MDGA1: variants seen among roughly 807,000 people sequenced by gnomAD.
MDGA1 encodes the protein MAM domain containing glycosylphosphatidylinositol anchor 1.
MDGA1 carries 54 observed loss-of-function variants against 101.5 expected under a neutral mutation model. The ratio of observed to expected loss-of-function variants is 0.53; its 90% CI spans 0.43 to 0.67. The LOEUF (loss-of-function observed/expected upper bound fraction) is 0.67. MDGA1 is among the 30% of genes least tolerant of loss of function. MDGA1 has a pLI of 0.00. For missense variants in MDGA1, 1,083 were observed against 1,323.8 expected (o/e 0.82, Z 2.82); for synonymous variants, 533 against 558.3 (o/e 0.95, Z 0.64).
intron 8 of MDGA1, chr6:37,649,772 ATGG>A: frequency 1.7e-5 from 9 of 525,116 alleles, no homozygotes; most frequent in Non-Finnish European, 3.2e-5. Context: ...TGTTTGGCAC[ATGG>A]TGGTAATTTT....
chr6:37,681,038 C>A (rs2114091915), intron 1 of MDGA1, among the ~76,000 whole-genome samples: 1 of 152,340 alleles, frequency 6.6e-6, no homozygotes. Context: ...AGCTGCCAAC[C>A]CGGCTGGCAT....
chr6:37,695,662 C>T (rs1762401282), intron 1 of MDGA1, among the ~76,000 whole-genome samples: 1 of 152,182 alleles, frequency 6.6e-6, no homozygotes, highest in African/African-American at 2.4e-5. Flanking sequence ...CCTATACTAC[C>T]CCACAAAGAA....
intron 1 of MDGA1, among the ~76,000 whole-genome samples, chr6:37,677,297 A>T (rs1168185848): frequency 2.0e-5 from 3 of 152,194 alleles, no homozygotes; most frequent in Non-Finnish European, 4.4e-5. Context: ...AGAACCATAA[A>T]ACTGTTCCTA....
At chr6:37,661,228 C>T (rs1413876455) in intron 2 of MDGA1, among the ~76,000 whole-genome samples, 2 of 152,204 alleles carry the variant, frequency 1.3e-5, no homozygotes, top group Non-Finnish European at 2.9e-5. Flanking sequence ...TGTGTTAATA[C>T]AACTATCAGT....
At chr6:37,692,642 G>C (rs1028143867) in intron 1 of MDGA1, among the ~76,000 whole-genome samples, 1 of 151,994 alleles carries the variant, frequency 6.6e-6, no homozygotes, top group African/African-American at 2.4e-5. Context: ...CTTGGCGGCT[G>C]TGATTAGCTC....
chr6:37,631,377 A>T lies in MDGA1; in HGVS notation c.*5991T>A, dbSNP rs1763822231. The T allele has an allele frequency of 6.6e-6, 1 of 152,158 alleles. No homozygotes were observed. Among genetic ancestry groups the T allele is most frequent in the South Asian group, 2.1e-4 (1 of 4,816 alleles). The allele number at this position is 152,158 out of a possible 1,614,324, so 9.4% of individuals were successfully genotyped here. A position where few individuals can be genotyped will look rare whatever the true frequency, so the allele number is the denominator to read the frequency against. ...GAGTCCCTTAGACCCTTCCTCTTCC[A>T]TTAGAAAAGAAAGGCCAGGTGTGCC... On this transcript the variant is annotated 3_prime_UTR_variant, in exon 17 of 17. Coordinates refer to ENST00000434837, the MANE Select transcript of MDGA1 (RefSeq NM_153487.4).
intron 3 of MDGA1, among the ~76,000 whole-genome samples, chr6:37,656,874 T>G (rs1761501044): frequency 6.6e-6 from 1 of 152,216 alleles, no homozygotes; most frequent in African/African-American, 2.4e-5. Flanking sequence ...ATTGGTAAAC[T>G]AAGGTAGCTT....
chr6:37,660,804 A>G (rs1234577656), intron 2 of MDGA1, among the ~76,000 whole-genome samples: 1 of 152,038 alleles, frequency 6.6e-6, no homozygotes, highest in Non-Finnish European at 1.5e-5. Flanking sequence ...TTAAAATTTT[A>G]CTCCACAGGT....
At chr6:37,664,221 T>C in intron 1 of MDGA1, 115 bp from the exon 2 acceptor site, 1 of 1,333,326 alleles carries the variant, frequency 7.5e-7, no homozygotes, top group Non-Finnish European at 1.0e-6. Context: ...CCCCAGGCCA[T>C]TCCTCAGAGG....
At chr6:37,653,526 C>T (rs932086844) in intron 6 of MDGA1, among the ~76,000 whole-genome samples, 5 of 152,062 alleles carry the variant, frequency 3.3e-5, no homozygotes, top group Admixed American at 1.3e-4. Context: ...AAAAGAACAA[C>T]CAAAACCAAA....
intron 1 of MDGA1, among the ~76,000 whole-genome samples, chr6:37,677,025 C>T (rs2114082355): frequency 6.6e-6 from 1 of 152,212 alleles, no homozygotes; most frequent in Middle Eastern, 3.4e-3. Context: ...TAACATTAGG[C>T]TTACAGTGTC....
rs1761463328 is a variant in MDGA1 at position 37,655,503 on chromosome 6, T to C, written c.579+197A>G. ...GGACATGTTGCCTCGGGGACACTCC[T>C]GCCCTCATTGCTGCTCCCTGACCTT... On this transcript the variant is annotated intron_variant, in intron 4 of 16. Coordinates refer to ENST00000434837, the MANE Select transcript of MDGA1 (RefSeq NM_153487.4). The surrounding 1 kb of genome is among the most constrained non-coding windows in gnomAD (Gnocchi z 5.1). The C allele has an allele frequency of 2.1e-5, 12 of 570,326 alleles. No individual in the cohort carries two copies. Among genetic ancestry groups the C allele is most frequent in the Non-Finnish European group, 3.7e-5 (12 of 322,624 alleles). The allele number at this position is 570,326 out of a possible 1,614,324, so 35.3% of individuals were successfully genotyped here. A position where few individuals can be genotyped will look rare whatever the true frequency, so the allele number is the denominator to read the frequency against.
chr6:37,681,024 G>A (rs1762085975), intron 1 of MDGA1, among the ~76,000 whole-genome samples: 2 of 152,054 alleles, frequency 1.3e-5, no homozygotes, highest in South Asian at 2.1e-4. Context: ...ACCTGGGCAG[G>A]ACCAGCTGCC....
intron 1 of MDGA1, among the ~76,000 whole-genome samples, chr6:37,676,385 G>T (rs890228185): frequency 6.6e-5 from 10 of 152,372 alleles, no homozygotes; most frequent in Middle Eastern, 6.8e-3. Flanking sequence ...CAAAGGGATG[G>T]AACATGGCTC....
intron 12 of MDGA1, among the ~76,000 whole-genome samples, chr6:37,645,705 C>T (rs919304901): frequency 6.6e-6 from 1 of 152,244 alleles, no homozygotes; most frequent in Non-Finnish European, 1.5e-5. Context: ...GGACAGTAAG[C>T]CTCTCCCCAC....
chr6:37,666,952 C>G (rs977183356), intron 1 of MDGA1, among the ~76,000 whole-genome samples: 1 of 152,186 alleles, frequency 6.6e-6, no homozygotes, highest in Non-Finnish European at 1.5e-5. Flanking sequence ...TTTCTCATCT[C>G]TAAAATGAAG....
chr6:37,650,036 T>C, intron 8 of MDGA1, 73 bp downstream of exon 8: 5 of 1,586,484 alleles, frequency 3.2e-6, no homozygotes, highest in South Asian at 1.1e-5. Context: ...GGTGAGAGGA[T>C]GAAGAGGGGA....
At chr6:37,664,446 C>A (rs907738890) in intron 1 of MDGA1, 2 of 207,952 alleles carry the variant, frequency 9.6e-6, no homozygotes, top group Non-Finnish European at 1.9e-5. Context: ...TGGATGCCAT[C>A]GGTGCCCCTC....
At chr6:37,644,757 C>G in intron 12 of MDGA1, 108 bp from the exon 13 acceptor site, 1 of 1,194,528 alleles carries the variant, frequency 8.4e-7, no homozygotes, top group Non-Finnish European at 1.1e-6. Flanking sequence ...CCAAGCAAGG[C>G]ACCCAGGATT....
Sources: gnomAD v4.1 joint callset for allele counts (sites outside exome capture counted in the v4.1 genomes callset) on GRCh38, gnomAD v4.1.1 for gene constraint, Gnocchi (gnomAD v3.1) non-coding constraint, MANE v1.5 for transcripts, NCBI Gene and HGNC (gene_info 2026-07-23, HGNC 2026-07-21) for gene names.